Variants in ANKRD10 observed in about 807,000 individuals in gnomAD.
ANKRD10 encodes the protein ankyrin repeat domain 10, also known as ankyrin repeat domain-containing protein 10.
A neutral mutation model predicts 27.0 loss-of-function variants in ANKRD10; 14 were observed. That is an observed-to-expected ratio of 0.52 (90% CI 0.34 to 0.81). The LOEUF is 0.81. Among genes scored for constraint, ANKRD10 ranks in the 40% least tolerant of loss-of-function variants. The pLI, the probability that ANKRD10 is intolerant of heterozygous loss-of-function variation, is 0.01. For missense variants in ANKRD10, 493 were observed against 544.0 expected (o/e 0.91, Z 0.93); for synonymous variants, 250 against 224.5 (o/e 1.11, Z -1.01).
chr13:110,892,415 G>GAAAAAAAAAAAAAAAAAAAAAAAAAA (rs1381734881), intron 4 of ANKRD10, among the ~76,000 whole-genome samples: 8 of 2,586 alleles, frequency 3.1e-3, no homozygotes, highest in African/African-American at 9.8e-3. Context: ...GGGTGACAGA[G>GAAAAAAAAAAAAAAAAAAAAAAAAAA]CAAAAAAAAA....
rs1241515309 is a variant in ANKRD10, at chr13:110,879,940, C to A, written c.960G>T (p.Pro320=). The A allele has an allele frequency of 6.2e-7, 1 of 1,614,070 alleles. No individual in the cohort carries two copies. Among genetic ancestry groups the A allele is most frequent in the Non-Finnish European group, 8.5e-7 (1 of 1,180,046 alleles). ...TAATGCAGAGAGAACCCTGGCTACT[C>A]GGAAACGGCTGTCCTGGGGCTAATC... ...SSGLAPGQPF[P]SSQGSLCISG... is the part of the protein sequence containing the mutation. The change falls in exon 6 of 6, where the codon CCG becomes CCT. Residue 320 remains proline (P), a synonymous_variant. Coordinates refer to ENST00000267339, the MANE Select transcript of ANKRD10 (RefSeq NM_017664.4).
intron 3 of ANKRD10, chr13:110,894,595 A>G (rs920492101): frequency 1.9e-5 from 3 of 154,040 alleles, no homozygotes; most frequent in Admixed American, 6.5e-5. Flanking sequence ...TTTTTAAAGC[A>G]TAAGATAAAT....
At chr13:110,914,100 C>T (rs9583548) in intron 1 of ANKRD10, among the ~76,000 whole-genome samples, 7,074 of 152,284 alleles carry the variant, frequency 0.046, 524 homozygotes, top group African/African-American at 0.16. Context: ...TTAAAGCAAA[C>T]CCAGAAGCTG....
intron 2 of ANKRD10, among the ~76,000 whole-genome samples, chr13:110,908,402 T>A (rs2065598342): frequency 6.6e-6 from 1 of 152,156 alleles, no homozygotes; most frequent in South Asian, 2.1e-4. Context: ...AACACAGGCC[T>A]CTAGGCAGCA....
chr13:110,894,574 AG>A (rs1387829022), intron 3 of ANKRD10: 1 of 156,052 alleles, frequency 6.4e-6, no homozygotes, highest in East Asian at 1.8e-4. Context: ...ACACTAGCTA[AG>A]CGTCTCTACT....
chr13:110,883,462 T>G, intron 5 of ANKRD10: 1 of 1,227,334 alleles, frequency 8.1e-7, no homozygotes, highest in South Asian at 2.9e-5. Context: ...GCCCAAGATA[T>G]GCAAATTATA....
At chr13:110,887,589 A>G (rs564975460) in intron 4 of ANKRD10, among the ~76,000 whole-genome samples, 2 of 152,348 alleles carry the variant, frequency 1.3e-5, no homozygotes, top group South Asian at 4.1e-4. Context: ...AAGTGCTCCA[A>G]TCAGCCAGCA....
intron 2 of ANKRD10, among the ~76,000 whole-genome samples, chr13:110,906,493 G>A (rs1282248555): frequency 1.3e-5 from 2 of 152,128 alleles, no homozygotes; most frequent in African/African-American, 2.4e-5. Flanking sequence ...ACATTAAAAC[G>A]GTCATCAAGG....
At chr13:110,887,269 G>A (rs1034674555) in intron 4 of ANKRD10, among the ~76,000 whole-genome samples, 1 of 152,174 alleles carries the variant, frequency 6.6e-6, no homozygotes, top group Non-Finnish European at 1.5e-5. Flanking sequence ...AACTGTATGA[G>A]CTATTCAGGA....
chr13:110,895,756 C>T (rs1276873273), intron 3 of ANKRD10, among the ~76,000 whole-genome samples: 1 of 152,140 alleles, frequency 6.6e-6, no homozygotes, highest in Non-Finnish European at 1.5e-5. Context: ...GTTTACTGAT[C>T]TTCCAAAGAA....
Position 110,893,101 on chromosome 13 carries a change from A to C in ANKRD10, c.618T>G (p.Ile206Met), listed in dbSNP as rs758845872. ...GGHQNVFPNH[I>M]SVGTNRKRCL... Reference sequence around the variant, plus strand: ...ATCTCTTTCGATTTGTTCCCACACTAATATGATTAGGAAATACATTCTGAT... The same window carrying C: ...ATCTCTTTCGATTTGTTCCCACACTCATATGATTAGGAAATACATTCTGAT... Residue 206 changes from isoleucine to methionine, a missense_variant, in exon 4 of 6, where the codon ATT becomes ATG. Physicochemically the swap from Ile to Met is conservative, Grantham distance 10 (BLOSUM62 1). Coordinates refer to ENST00000267339, the MANE Select transcript of ANKRD10 (RefSeq NM_017664.4). 1 of 1,614,242 alleles carries C rather than the reference A, an allele frequency of 6.2e-7. No individual in the cohort carries two copies. Among genetic ancestry groups the C allele is most frequent in the Admixed American group, 1.7e-5 (1 of 60,032 alleles).
Position 110,879,682 on chromosome 13 carries a change from G to C in ANKRD10, c.1218C>G (p.Tyr406Ter). ...HSKSVKVQER[Y>*]DSAVLGTMHL... ...GCATGGTGCCCAGCACGGCACTGTC[G>C]TACCGCTCCTGCACCTTCACGGACT... Residue 406 changes from tyrosine to a stop codon, truncating the protein, a stop_gained, in exon 6 of 6, where the codon TAC (tyrosine) becomes TAG (stop). Coordinates refer to ENST00000267339, the MANE Select transcript of ANKRD10 (RefSeq NM_017664.4). LOFTEE classifies it high-confidence loss of function. The C allele has an allele frequency of 6.2e-7, 1 of 1,614,014 alleles. No homozygotes were observed. The highest frequency in any genetic ancestry group is 8.5e-7 in the Non-Finnish European group (1 of 1,180,014).
At chr13:110,898,762 T>C (rs866506219) in intron 3 of ANKRD10, among the ~76,000 whole-genome samples, 2,942 of 145,726 alleles carry the variant, frequency 0.02, 121 homozygotes, top group African/African-American at 0.07. Context: ...TTTTTTTTTT[T>C]TTTTTTTTTT....
Position 110,914,806 on chromosome 13 carries a change from C to G in ANKRD10, c.129G>C (p.Gln43His), listed in dbSNP as rs758829775. The stretch of plus-strand genomic sequence containing the variant: ...AGGCCAGGTGGGCGTGGGGTGTCTG[C>G]TGCAGCAGCGAGCAGAGCGTGGCCA... The part of the protein sequence containing the change: ...GDLATLCSLL[Q>H]QTPHAHLASE... Residue 43 changes from glutamine (Q) to histidine (H), a missense_variant, in exon 1 of 6, where the codon CAG (glutamine) becomes CAC (histidine). Coordinates refer to ENST00000267339, the MANE Select transcript of ANKRD10 (RefSeq NM_017664.4). 9 of 1,593,494 alleles carry G rather than the reference C, an allele frequency of 5.6e-6. No homozygotes were observed. The highest frequency in any genetic ancestry group is 3.5e-5 in the Admixed American group (2 of 57,626).
At chr13:110,891,268 A>AT (rs928209187) in intron 4 of ANKRD10, among the ~76,000 whole-genome samples, 3 of 152,336 alleles carry the variant, frequency 2.0e-5, no homozygotes, top group Non-Finnish European at 2.9e-5. Context: ...ATGACAAAGG[A>AT]TTTTTTTAAA....
chr13:110,914,160 G>C (rs959767466), intron 1 of ANKRD10, among the ~76,000 whole-genome samples: 2 of 152,138 alleles, frequency 1.3e-5, no homozygotes, highest in Non-Finnish European at 1.5e-5. Flanking sequence ...CAGTCCCGCC[G>C]GGGCGCTTGC....
chr13:110,884,941 G>A (rs1044422615), intron 4 of ANKRD10, among the ~76,000 whole-genome samples: 1 of 151,760 alleles, frequency 6.6e-6, no homozygotes, highest in Admixed American at 6.6e-5. Flanking sequence ...ATGATATCTG[G>A]ATTATTCTAC....
chr13:110,894,865 G>T (rs993316381), intron 3 of ANKRD10: 4 of 152,080 alleles, frequency 2.6e-5, no homozygotes, highest in Non-Finnish European at 5.9e-5. Flanking sequence ...TGGGCAGATT[G>T]TATTACATTA....
intron 4 of ANKRD10, among the ~76,000 whole-genome samples, chr13:110,887,368 G>C (rs1373621675): frequency 1.3e-5 from 2 of 152,130 alleles, no homozygotes; most frequent in African/African-American, 2.4e-5. Context: ...GGACACCAAG[G>C]TCGTGCCACT....
Sources: gnomAD v4.1 joint callset for allele counts (sites outside exome capture counted in the v4.1 genomes callset) on GRCh38, gnomAD v4.1.1 for gene constraint, MANE v1.5 for transcripts, NCBI Gene and HGNC (gene_info 2026-07-23, HGNC 2026-07-21) for gene names.